Variants in FGF14 observed in about 807,000 individuals in gnomAD.
FGF14 encodes fibroblast growth factor homologous factor 4.
Under a neutral mutation model 25.5 loss-of-function variants are expected in FGF14, and 5 were observed. The ratio of observed to expected loss-of-function variants is 0.20; its 90% CI spans 0.10 to 0.41. FGF14 has a LOEUF of 0.41. Ranked by LOEUF, FGF14 falls within the 10% of genes least tolerant of loss-of-function variation. The pLI, the probability that FGF14 is intolerant of heterozygous loss-of-function variation, is 1.00. For synonymous variants in FGF14, 138 were observed against 118.3 expected (o/e 1.17, Z -1.08); for missense variants, 222 against 320.1 (o/e 0.69, Z 2.34).
chr13:102,190,608 C>T (rs1566798912), intron 1 of FGF14, among the ~76,000 whole-genome samples: 1 of 152,070 alleles, frequency 6.6e-6, no homozygotes, highest in East Asian at 1.9e-4. Context: ...CAAATCCCAC[C>T]TTACATTAAT....
At chr13:101,781,036 A>G (rs2039458270) in intron 3 of FGF14, among the ~76,000 whole-genome samples, 1 of 151,840 alleles carries the variant, frequency 6.6e-6, no homozygotes. Context: ...CTTGCTACTC[A>G]TGGCCACCTC....
chr13:102,074,704 C>T (rs1025550757), intron 1 of FGF14, among the ~76,000 whole-genome samples: 1 of 152,138 alleles, frequency 6.6e-6, no homozygotes, highest in African/African-American at 2.4e-5. Flanking sequence ...ATCACCAAAC[C>T]AAATTCCACA....
chr13:101,885,324 A>T (rs2138839474), intron 1 of FGF14, among the ~76,000 whole-genome samples: 1 of 152,160 alleles, frequency 6.6e-6, no homozygotes, highest in Non-Finnish European at 1.5e-5. Context: ...AAGCAATCCC[A>T]CTGTGTGGAC....
At position 101,991,002 on chromosome 13, in the gene FGF14, A is replaced by ACCT. The variant is rs2038870189; in HGVS notation, c.209-115707_209-115706insAGG. The stretch of plus-strand genomic sequence containing the variant: ...TACTAATGTGCTCCTATTTATACTA[A>ACCT]TGGAGCACATTACTTTTTAACCTTG... On this transcript the variant is annotated intron_variant, in intron 1 of 4. Coordinates refer to the FGF14 transcript ENST00000376131. 2.6e-5 allele frequency among the ~76,000 whole-genome samples: 4 copies of ACCT among 152,264 alleles called. No individual in the cohort carries two copies. The South Asian group carries it at 8.3e-4, about 32-fold the overall frequency.
chr13:102,191,410 C>A (rs1555375278), intron 1 of FGF14, among the ~76,000 whole-genome samples: 1 of 152,140 alleles, frequency 6.6e-6, no homozygotes, highest in Non-Finnish European at 1.5e-5. Context: ...TTTTGTAAAG[C>A]CTCTTTTTCA....
At chr13:102,181,168 A>C (rs146966328) in intron 1 of FGF14, among the ~76,000 whole-genome samples, 17 of 152,192 alleles carry the variant, frequency 1.1e-4, no homozygotes, top group Non-Finnish European at 1.5e-4. Context: ...TCAATTAAAC[A>C]GAATGTTATT....
chr13:101,869,907 A>G (rs911468034), intron 2 of FGF14, among the ~76,000 whole-genome samples: 3 of 152,198 alleles, frequency 2.0e-5, no homozygotes, highest in Admixed American at 6.5e-5. Flanking sequence ...TCTCAGGGAC[A>G]TGTTTCCTCC....
intron 1 of FGF14, among the ~76,000 whole-genome samples, chr13:102,061,406 C>T (rs1290998369): frequency 1.3e-5 from 2 of 152,138 alleles, no homozygotes; most frequent in African/African-American, 2.4e-5. Flanking sequence ...GAGGTTTGCG[C>T]GTGGGGCACA....
intron 1 of FGF14, among the ~76,000 whole-genome samples, chr13:102,276,351 G>GTA (rs1291212131): frequency 1.3e-3 from 54 of 41,638 alleles, no homozygotes; most frequent in African/African-American, 3.6e-3. Flanking sequence ...GTGTGTGTGT[G>GTA]TGTATATATA....
chr13:102,321,834 G>A (rs1566935795), intron 1 of FGF14, among the ~76,000 whole-genome samples: 1 of 152,122 alleles, frequency 6.6e-6, no homozygotes, highest in Non-Finnish European at 1.5e-5. Flanking sequence ...TGATTAATTG[G>A]TTCAGATTAA....
chr13:102,385,082 A>T (rs891995242), intron 1 of FGF14, among the ~76,000 whole-genome samples: 5 of 152,236 alleles, frequency 3.3e-5, no homozygotes, highest in African/African-American at 1.2e-4. Flanking sequence ...ACGATATGTT[A>T]AAACTCCTGC....
chr13:102,137,696 T>C (rs764873843), intron 1 of FGF14, among the ~76,000 whole-genome samples: 1 of 152,154 alleles, frequency 6.6e-6, no homozygotes, highest in Non-Finnish European at 1.5e-5. Flanking sequence ...ATTGTAGTCA[T>C]GACACATCAG....
chr13:101,892,649 A>G (rs1242517575), intron 1 of FGF14, among the ~76,000 whole-genome samples: 1 of 152,154 alleles, frequency 6.6e-6, no homozygotes, highest in Non-Finnish European at 1.5e-5. Flanking sequence ...CCAGGAACAA[A>G]ATCTAACATT....
intron 1 of FGF14, among the ~76,000 whole-genome samples, chr13:102,128,955 C>T (rs56265521): frequency 0.2 from 30,593 of 151,992 alleles, 3,259 homozygotes; most frequent in Middle Eastern, 0.27. Context: ...TTGTGGCAGG[C>T]GCCTGTAATC....
intron 1 of FGF14, among the ~76,000 whole-genome samples, chr13:101,959,873 T>C (rs942884261): frequency 1.3e-5 from 2 of 152,236 alleles, no homozygotes; most frequent in Admixed American, 6.5e-5. Context: ...GCTCGGTATA[T>C]AACACAATTT....
At chr13:101,824,271 T>C (rs1443012367) in intron 3 of FGF14, among the ~76,000 whole-genome samples, 2 of 152,202 alleles carry the variant, frequency 1.3e-5, no homozygotes, top group Admixed American at 6.5e-5. Context: ...CCTTTAGACA[T>C]TGTTATTTGC....
intron 1 of FGF14, among the ~76,000 whole-genome samples, chr13:101,932,580 A>G (rs1449196803): frequency 6.6e-6 from 1 of 151,668 alleles, no homozygotes; most frequent in Non-Finnish European, 1.5e-5. Context: ...ATAAAACTCG[A>G]TAATAAAATT....
chr13:101,843,000 C>T (rs758412654), intron 3 of FGF14, among the ~76,000 whole-genome samples: 6 of 152,040 alleles, frequency 3.9e-5, no homozygotes, highest in East Asian at 1.9e-4. Context: ...TTCGTCTATA[C>T]GGAAACATAC....
chr13:102,337,159 A>G (rs2056812113), intron 1 of FGF14, among the ~76,000 whole-genome samples: 2 of 152,244 alleles, frequency 1.3e-5, no homozygotes, highest in South Asian at 4.1e-4. Flanking sequence ...GGGCCTGTGT[A>G]AAATACATTA....
Sources: allele counts gnomAD v4.1 joint callset (sites outside exome capture counted in the v4.1 genomes callset), GRCh38; gene constraint gnomAD v4.1.1; transcripts MANE v1.5; gene names NCBI Gene and HGNC (gene_info 2026-07-23, HGNC 2026-07-21).